Variants in QTGAL observed in about 807,000 individuals in gnomAD.
The protein encoded by QTGAL is BGnT-like protein 1.
chr17:82,958,613 T>A, the QTGAL span, among the ~76,000 whole-genome samples: 2 of 152,052 alleles, frequency 1.3e-5, no homozygotes, highest in Non-Finnish European at 2.9e-5. Flanking sequence ...ATGGGGGGGA[T>A]GGGGGGACAC....
At chr17:82,959,586 T>C in the QTGAL span, among the ~76,000 whole-genome samples, 1 of 151,900 alleles carries the variant, frequency 6.6e-6, no homozygotes, top group African/African-American at 2.4e-5. Context: ...CCCGGGTGTG[T>C]TGGGTGTCTC....
the QTGAL span, among the ~76,000 whole-genome samples, chr17:82,980,119 A>G: frequency 1.3e-5 from 2 of 152,272 alleles, no homozygotes; most frequent in Admixed American, 6.5e-5. Context: ...TAAAACTTTT[A>G]GAAGAAAATC....
the QTGAL span, among the ~76,000 whole-genome samples, chr17:83,029,254 A>G: frequency 6.6e-6 from 1 of 152,278 alleles, no homozygotes; most frequent in Non-Finnish European, 1.5e-5. Context: ...AACCTGAATA[A>G]ACTATAATGA....
At chr17:83,005,166 T>C in the QTGAL span, 2 of 1,610,778 alleles carry the variant, frequency 1.2e-6, no homozygotes, top group African/African-American at 1.3e-5. This position sits in a 1 kb window ranked among gnomAD's most constrained non-coding sequence, Gnocchi z 5.6. Flanking sequence ...GTGTGTATCG[T>C]TCGGTGGAGT....
chr17:82,974,099 C>A, the QTGAL span, among the ~76,000 whole-genome samples: 2 of 152,236 alleles, frequency 1.3e-5, no homozygotes, highest in Admixed American at 1.3e-4. Flanking sequence ...GGAGAGTTCT[C>A]CTGCCCCTTG....
the QTGAL span, among the ~76,000 whole-genome samples, chr17:82,977,779 C>A: frequency 6.6e-6 from 1 of 152,084 alleles, no homozygotes; most frequent in Admixed American, 6.5e-5. Context: ...CAGTCTGGGA[C>A]CGAGGGGGGT....
chr17:83,041,845 T>C, the QTGAL span, among the ~76,000 whole-genome samples: 18,666 of 152,206 alleles, frequency 0.12, 1,143 homozygotes, highest in Non-Finnish European at 0.13. Context: ...CTGTCAATTA[T>C]GAATCCTATA....
At chr17:82,946,569 A>AGTGT in the QTGAL span, among the ~76,000 whole-genome samples, 14 of 150,192 alleles carry the variant, frequency 9.3e-5, no homozygotes, top group South Asian at 2.2e-4. Flanking sequence ...ACAGAACCCA[A>AGTGT]GTGTGTGTGT....
At chr17:83,001,963 T>C in the QTGAL span, among the ~76,000 whole-genome samples, 2 of 151,876 alleles carry the variant, frequency 1.3e-5, no homozygotes, top group East Asian at 1.9e-4. Context: ...GGTCTCACTA[T>C]ATTGCGCAGA....
At chr17:82,994,064 A>G in the QTGAL span, among the ~76,000 whole-genome samples, 1 of 152,116 alleles carries the variant, frequency 6.6e-6, no homozygotes, top group African/African-American at 2.4e-5. Flanking sequence ...AAAGAAGAAA[A>G]CCTTCAAATA....
At chr17:83,005,233 G>C in the QTGAL span, 1 of 1,587,768 alleles carries the variant, frequency 6.3e-7, no homozygotes, top group African/African-American at 1.3e-5. This position sits in a 1 kb window ranked among gnomAD's most constrained non-coding sequence, Gnocchi z 5.6. Flanking sequence ...ACGGCAGACA[G>C]AGCTCAAAAC....
At chr17:82,960,075 A>G in the QTGAL span, among the ~76,000 whole-genome samples, 1 of 152,296 alleles carries the variant, frequency 6.6e-6, no homozygotes, top group African/African-American at 2.4e-5. Context: ...GGGACACGTC[A>G]CCGCATGAGG....
the QTGAL span, among the ~76,000 whole-genome samples, chr17:82,963,578 C>T: frequency 6.6e-6 from 1 of 152,198 alleles, no homozygotes. Flanking sequence ...TCCACACCCT[C>T]CACCAGTGTT....
At chr17:83,012,691 C>T in the QTGAL span, among the ~76,000 whole-genome samples, 6 of 152,176 alleles carry the variant, frequency 3.9e-5, no homozygotes, top group Non-Finnish European at 5.9e-5. Context: ...CGATATCTCA[C>T]ACCTCTGCAA....
the QTGAL span, among the ~76,000 whole-genome samples, chr17:83,045,365 A>C: frequency 6.6e-6 from 1 of 152,332 alleles, no homozygotes; most frequent in South Asian, 2.1e-4. Context: ...TGTTGGAAAA[A>C]CTGAGTATCT....
the QTGAL span, among the ~76,000 whole-genome samples, chr17:83,031,337 G>A: frequency 1.3e-5 from 2 of 150,150 alleles, no homozygotes; most frequent in African/African-American, 5.0e-5. Context: ...GAGCACCCAC[G>A]GGTCCCTCGC....
chr17:82,980,542 C>T, the QTGAL span, among the ~76,000 whole-genome samples: 1 of 152,216 alleles, frequency 6.6e-6, no homozygotes, highest in Admixed American at 6.5e-5. Context: ...TTCCCACAAC[C>T]TCTTCCTTGG....
the QTGAL span, chr17:82,957,492 G>A: frequency 1.4e-5 from 23 of 1,600,386 alleles, no homozygotes; most frequent in Admixed American, 1.7e-5. Flanking sequence ...CCAGATGGTC[G>A]TCCTGCGGTG....
the QTGAL span, among the ~76,000 whole-genome samples, chr17:82,986,706 C>T: frequency 6.6e-6 from 1 of 152,222 alleles, no homozygotes; most frequent in African/African-American, 2.4e-5. Context: ...ATAAACAGCA[C>T]CAACGTTAGA....
Sources: allele counts gnomAD v4.1 joint callset (sites outside exome capture counted in the v4.1 genomes callset), GRCh38; gene constraint gnomAD v4.1.1; non-coding constraint Gnocchi (gnomAD v3.1); transcripts MANE v1.5; gene names NCBI Gene and HGNC (gene_info 2026-07-23, HGNC 2026-07-21).